The following ARHGAP31 variants were observed in gnomAD, a reference collection of about 807,000 sequenced individuals.
ARHGAP31 encodes the protein rho GTPase-activating protein 31.
Under a neutral mutation model 113.9 loss-of-function variants are expected in ARHGAP31, and 34 were observed. The observed-to-expected ratio is 0.30, with a 90% CI of 0.23 to 0.40. ARHGAP31 has a LOEUF of 0.40. Among genes scored for constraint, ARHGAP31 ranks in the 10% least tolerant of loss-of-function variants. ARHGAP31 has a pLI of 1.00. For missense variants in ARHGAP31, 1,548 were observed against 1,767.1 expected (o/e 0.88, Z 2.22); for synonymous variants, 650 against 684.8 (o/e 0.95, Z 0.79).
At position 119,414,200 on chromosome 3, in the gene ARHGAP31, A is replaced by T. The variant is rs1658217402; in HGVS notation, c.2271A>T (p.Ile757=). 1 of 1,614,068 alleles carries T rather than the reference A, an allele frequency of 6.2e-7. No homozygotes were observed. The highest frequency in any genetic ancestry group is 1.7e-5 in the Admixed American group (1 of 60,008). The change falls in exon 12 of 12, where the codon ATA becomes ATT. Residue 757 remains isoleucine (I), a synonymous_variant. Coordinates refer to ENST00000264245, the MANE Select transcript of ARHGAP31 (RefSeq NM_020754.4). ...PDLASLAPLE[I]VPFEKASPQA... ...TCGCCAGCCTGGCTCCTCTGGAAATAGTTCCTTTTGAGAAGGCATCTCCAC... is the reference window on the plus strand; with the variant it reads ...TCGCCAGCCTGGCTCCTCTGGAAATTGTTCCTTTTGAGAAGGCATCTCCAC...
At chr3:119,303,138 A>C (rs1011731101) in intron 1 of ARHGAP31, among the ~76,000 whole-genome samples, 6 of 152,236 alleles carry the variant, frequency 3.9e-5, no homozygotes. Context: ...CCCCGAAGGC[A>C]GATCTGGTAG....
rs187106484 is a variant in ARHGAP31 at position 119,366,719 on chromosome 3, A to G, written c.203+1301A>G. Among the ~76,000 whole-genome samples, 52 of 152,234 alleles carry G rather than the reference A, an allele frequency of 3.4e-4. No homozygotes were observed. In the East Asian group the frequency reaches 9.6e-3, roughly 28 times the overall value. Reference sequence around the variant, plus strand: ...TTGGCTAAATAAATGAATAAGCTCTAGATTGCTCTTGTTCTGCTCTCTTAA... The same window carrying G: ...TTGGCTAAATAAATGAATAAGCTCTGGATTGCTCTTGTTCTGCTCTCTTAA... On this transcript the variant is annotated intron_variant, in intron 2 of 11. Coordinates refer to ENST00000264245, the MANE Select transcript of ARHGAP31 (RefSeq NM_020754.4).
At chr3:119,306,734 G>A (rs1205113617) in intron 1 of ARHGAP31, among the ~76,000 whole-genome samples, 4 of 152,308 alleles carry the variant, frequency 2.6e-5, no homozygotes, top group African/African-American at 9.6e-5. Context: ...TTGGTCTGGG[G>A]TGGGAAATCC....
rs141264566 is a variant in ARHGAP31, at chr3:119,413,664, C to T, written c.1927-192C>T. On this transcript the variant is annotated intron_variant, in intron 11 of 11. Coordinates refer to ENST00000264245, the MANE Select transcript of ARHGAP31 (RefSeq NM_020754.4). Reference sequence around the variant, plus strand: ...TCCTAGAGTAGTTGGGAAAATTACACAAGATACAGCTAAAGTATGTGATGG... The same window carrying T: ...TCCTAGAGTAGTTGGGAAAATTACATAAGATACAGCTAAAGTATGTGATGG... Among the ~76,000 whole-genome samples, 40 of 152,286 alleles carry T rather than the reference C, an allele frequency of 2.6e-4. 1 individual carries two copies. The East Asian group carries it at 7.5e-3, about 29-fold the overall frequency.
chr3:119,418,312 C>T lies in ARHGAP31; in HGVS notation c.*2048C>T, dbSNP rs569559331. 1 of 152,220 alleles carries T rather than the reference C, an allele frequency of 6.6e-6. No individual in the cohort carries two copies. The highest frequency in any genetic ancestry group is 6.5e-5 in the Admixed American group (1 of 15,284). The allele number at this position is 152,220 out of a possible 1,614,324, so 9.4% of individuals were successfully genotyped here. On this transcript the variant is annotated 3_prime_UTR_variant, in exon 12 of 12. Transcript: ENST00000264245. ...TAGAATATAGTATTTTTCCCCAGGC[C>T]AGCAAAGTGAAGAAATACAGTGGTG... is the stretch of plus-strand genomic sequence containing the variant.
intron 5 of ARHGAP31, 81 bp downstream of exon 5, chr3:119,382,480 A>G: frequency 1.5e-6 from 2 of 1,348,906 alleles, no homozygotes; most frequent in Admixed American, 2.0e-5. Context: ...GGATTCTTCA[A>G]ATTGAAGCCC....
intron 6 of ARHGAP31, among the ~76,000 whole-genome samples, chr3:119,385,854 A>G (rs1174569854): frequency 1.3e-5 from 2 of 152,254 alleles, no homozygotes; most frequent in Non-Finnish European, 2.9e-5. Context: ...TGTGAGGAAA[A>G]GAATATGAAA....
At chr3:119,379,669 C>T (rs2080378243) in intron 3 of ARHGAP31, among the ~76,000 whole-genome samples, 1 of 152,062 alleles carries the variant, frequency 6.6e-6, no homozygotes. Flanking sequence ...GTAGGAAATA[C>T]AAGACTAAGT....
At chr3:119,301,519 A>G (rs543307901) in intron 1 of ARHGAP31, among the ~76,000 whole-genome samples, 1 of 152,326 alleles carries the variant, frequency 6.6e-6, no homozygotes, top group South Asian at 2.1e-4. Flanking sequence ...TTAGCCTGTT[A>G]GGCATCTGTG....
chr3:119,338,586 C>T (rs181009705), intron 1 of ARHGAP31, among the ~76,000 whole-genome samples: 2 of 152,136 alleles, frequency 1.3e-5, no homozygotes, highest in Admixed American at 1.3e-4. Flanking sequence ...TTAGTTCATA[C>T]GTGACATATT....
At chr3:119,307,679 C>T (rs1307688095) in intron 1 of ARHGAP31, among the ~76,000 whole-genome samples, 3 of 151,984 alleles carry the variant, frequency 2.0e-5, no homozygotes, top group Non-Finnish European at 4.4e-5. Context: ...AATTCTTCCT[C>T]CCTTATAAAG....
Position 119,342,101 on chromosome 3 carries a change from T to C in ARHGAP31, c.101-23215T>C, listed in dbSNP as rs1051060727. 3.9e-5 allele frequency among the ~76,000 whole-genome samples: 6 copies of C among 152,208 alleles called. No homozygotes were observed. In the South Asian group the frequency reaches 1.2e-3, roughly 32 times the overall value. On this transcript the variant is annotated intron_variant, in intron 1 of 11. Coordinates refer to ENST00000264245, the MANE Select transcript of ARHGAP31 (RefSeq NM_020754.4). ...TACTTGTTCATATTCATGGCCATATTCCTCAAAGTAGAGTCCCTCTCTGTT... is the reference window on the plus strand; with the variant it reads ...TACTTGTTCATATTCATGGCCATATCCCTCAAAGTAGAGTCCCTCTCTGTT...
rs557916427 is a variant in ARHGAP31 at position 119,377,501 on chromosome 3, G to A, written c.349-3403G>A. Among the ~76,000 whole-genome samples, 7 of 152,302 alleles carry A rather than the reference G, an allele frequency of 4.6e-5. No homozygotes were observed. The South Asian group carries it at 6.2e-4, about 14-fold the overall frequency. ...CAGGTACAAAGGCTTTGGGGACAGC[G>A]GGGACACGCTGAGCTTGCTTAGGGG... On this transcript the variant is annotated intron_variant, in intron 3 of 11. Transcript: ENST00000264245.
At chr3:119,298,281 A>ACTG (rs1186129285) in intron 1 of ARHGAP31, among the ~76,000 whole-genome samples, 2 of 152,112 alleles carry the variant, frequency 1.3e-5, no homozygotes, top group African/African-American at 4.8e-5. Context: ...TCCCTTCCTT[A>ACTG]CTGCTGCTGC....
chr3:119,294,788 C>T lies in ARHGAP31; in HGVS notation c.-117C>T. 2 of 977,176 alleles carry T rather than the reference C, an allele frequency of 2.0e-6. No individual in the cohort carries two copies. The highest frequency in any genetic ancestry group is 3.2e-6 in the Non-Finnish European group (2 of 616,604). 60.5% of individuals were successfully genotyped at this position (977,176 alleles called of 1,614,324 possible). ...CCCCAGCCCAAGTTCTTCCATCTTC[C>T]GATGCGGCCCCCCAGAGCCGCGGGG... On this transcript the variant is annotated 5_prime_UTR_variant, in exon 1 of 12. The change creates a premature stop within an existing upstream ORF in the 5' untranslated region. Coordinates refer to ENST00000264245, the MANE Select transcript of ARHGAP31 (RefSeq NM_020754.4).
intron 1 of ARHGAP31, among the ~76,000 whole-genome samples, chr3:119,353,493 T>C (rs2080128938): frequency 6.6e-6 from 1 of 152,114 alleles, no homozygotes; most frequent in South Asian, 2.1e-4. Context: ...TTGCACTGGG[T>C]ACAAATAATG....
chr3:119,336,890 C>T (rs1328389107), intron 1 of ARHGAP31, among the ~76,000 whole-genome samples: 1 of 152,198 alleles, frequency 6.6e-6, no homozygotes, highest in Admixed American at 6.5e-5. Context: ...CTATGCTGGA[C>T]ACTTCATATG....
chr3:119,409,523 A>G lies in ARHGAP31; in HGVS notation c.1673A>G (p.Glu558Gly). ...AASVPKKAGL[E>G]DAKAVPEAPG... Reference sequence around the variant, plus strand: ...TCTGTACCTAAGAAGGCAGGTCTTGAGGATGCCAAGGCAGTACCTGAAGCA... The same window carrying G: ...TCTGTACCTAAGAAGGCAGGTCTTGGGGATGCCAAGGCAGTACCTGAAGCA... The change falls in exon 11 of 12, where the codon GAG becomes GGG. Residue 558 changes from glutamate to glycine, a missense_variant. Glu to Gly is a moderately conservative substitution (Grantham distance 98). Coordinates refer to ENST00000264245, the MANE Select transcript of ARHGAP31 (RefSeq NM_020754.4). 1 of 1,614,228 alleles carries G rather than the reference A, an allele frequency of 6.2e-7. No individual in the cohort carries two copies. The highest frequency in any genetic ancestry group is 8.5e-7 in the Non-Finnish European group (1 of 1,180,042).
chr3:119,346,493 G>A (rs2080058084), intron 1 of ARHGAP31, among the ~76,000 whole-genome samples: 1 of 152,184 alleles, frequency 6.6e-6, no homozygotes, highest in South Asian at 2.1e-4. Flanking sequence ...TTCCACCCAT[G>A]ATTTAACTGC....
Sources: allele counts gnomAD v4.1 joint callset (sites outside exome capture counted in the v4.1 genomes callset), GRCh38; gene constraint gnomAD v4.1.1; transcripts MANE v1.5; gene names NCBI Gene and HGNC (gene_info 2026-07-23, HGNC 2026-07-21).